Variants in PNLIP observed in about 807,000 individuals in gnomAD.
PNLIP encodes pancreatic triacylglycerol lipase.
PNLIP carries 49 observed loss-of-function variants against 57.1 expected under a neutral mutation model. The ratio of observed to expected loss-of-function variants is 0.86; its 90% CI spans 0.68 to 1.09. PNLIP has a LOEUF of 1.09. Ranked by LOEUF, PNLIP falls within the 50% of genes least tolerant of loss-of-function variation. PNLIP has a pLI of 0.00. For missense variants in PNLIP, 503 were observed against 570.2 expected (o/e 0.88, Z 1.20); for synonymous variants, 209 against 200.4 (o/e 1.04, Z -0.36).
intron 5 of PNLIP, among the ~76,000 whole-genome samples, chr10:116,551,683 A>C (rs1285146656): frequency 2.0e-5 from 3 of 152,214 alleles, no homozygotes; most frequent in Non-Finnish European, 4.4e-5. Context: ...TTTCTAATCC[A>C]AATACTTGCT....
In PNLIP at chr10:116,556,130, C is replaced by T. The variant is rs1293968816; in HGVS notation, c.930+12C>T. 2.8e-6 allele frequency: 4 copies of T among 1,447,772 alleles called. No individual in the cohort carries two copies. Among genetic ancestry groups the T allele is most frequent in the Non-Finnish European group, 3.9e-6 (4 of 1,028,836 alleles). The allele number at this position is 1,447,772 out of a possible 1,614,324, so 89.7% of individuals were successfully genotyped here. ...ACGTCTTCACTGCAGTAAGTAGACT[C>T]CACCTTCCGCATAAAGAATTTTGTG... On this transcript the variant is annotated intron_variant, in intron 9 of 12. Transcript: ENST00000369221.
At chr10:116,546,588 C>T (rs1040814692) in intron 2 of PNLIP, among the ~76,000 whole-genome samples, 9 of 152,104 alleles carry the variant, frequency 5.9e-5, no homozygotes, top group African/African-American at 2.2e-4. Context: ...TCGGATTCCC[C>T]ATCTCCTAGG....
At chr10:116,563,621 T>C (rs1312513406) in intron 12 of PNLIP, among the ~76,000 whole-genome samples, 1 of 152,146 alleles carries the variant, frequency 6.6e-6, no homozygotes, top group Non-Finnish European at 1.5e-5. Flanking sequence ...AGCTCCCACA[T>C]AACAGTGAGA....
chr10:116,551,173 G>A lies in PNLIP; in HGVS notation c.400G>A (p.Ala134Thr). ...KGGSRTGYTQ[A>T]SQNIRIVGAE... ...TGGCTCCCGAACTGGATACACACAA[G>A]CCTCGCAGAACATCAGGATCGTGGG... Residue 134 changes from alanine to threonine, a missense_variant, in exon 5 of 13, where the codon GCC becomes ACC. Ala to Thr is a moderately conservative substitution (Grantham distance 58). Transcript: ENST00000369221. The A allele has an allele frequency of 6.2e-7, 1 of 1,612,774 alleles. No individual in the cohort carries two copies. The highest frequency in any genetic ancestry group is 1.1e-5 in the South Asian group (1 of 90,874).
At chr10:116,545,983 GC>G (rs1344294005) in intron 1 of PNLIP, 25 bp downstream of exon 1, 1 of 907,498 alleles carries the variant, frequency 1.1e-6, no homozygotes, top group Non-Finnish European at 1.8e-6. Context: ...TGTTTTCCAG[GC>G]CTAATTGATC....
rs1433687914 is a variant in PNLIP at position 116,561,473 on chromosome 10, G to T, written c.1171G>T (p.Gly391Cys). The T allele has an allele frequency of 6.2e-7, 1 of 1,609,528 alleles. No individual in the cohort carries two copies. ...TTTGTTAACTTCTTAAATCCTTAGG[G>T]GCACTCTCAAACCAGATAGTACTCA... ...GNSKQYEIFK[G>C]TLKPDSTHSN... The change falls in exon 12 of 13, where the codon GGC becomes TGC. Residue 391 changes from glycine (G) to cysteine (C), a missense_variant and splice_region_variant. Coordinates refer to ENST00000369221, the MANE Select transcript of PNLIP (RefSeq NM_000936.4).
chr10:116,549,501 C>G (rs1257441835), intron 4 of PNLIP, among the ~76,000 whole-genome samples: 1 of 151,694 alleles, frequency 6.6e-6, no homozygotes, highest in Non-Finnish European at 1.5e-5. Flanking sequence ...AAAAAAGACA[C>G]AAAGGTCCTC....
intron 12 of PNLIP, among the ~76,000 whole-genome samples, chr10:116,567,115 TTCTTTC>T (rs1377774269): frequency 1.2e-4 from 4 of 33,170 alleles, no homozygotes; most frequent in South Asian, 2.7e-3. Context: ...CCTCCCTCCT[TTCTTTC>T]TCTTTCTTTC....
chr10:116,563,025 G>C (rs566865036), intron 12 of PNLIP, among the ~76,000 whole-genome samples: 3 of 152,046 alleles, frequency 2.0e-5, no homozygotes, highest in African/African-American at 7.2e-5. Context: ...TAAAGAAGCA[G>C]AAAAATACAG....
chr10:116,561,480 T>A lies in PNLIP; in HGVS notation c.1178T>A (p.Leu393His). 6 of 1,612,134 alleles carry A rather than the reference T, an allele frequency of 3.7e-6. No individual in the cohort carries two copies. Among genetic ancestry groups the A allele is most frequent in the Non-Finnish European group, 4.2e-6 (5 of 1,179,172 alleles). ...ACTTCTTAAATCCTTAGGGGCACTC[T>A]CAAACCAGATAGTACTCATTCCAAT... ...SKQYEIFKGT[L>H]KPDSTHSNEF... The change falls in exon 12 of 13, where the codon CTC (leucine) becomes CAC (histidine). Residue 393 changes from leucine (L) to histidine (H), a missense_variant. Coordinates refer to ENST00000369221, the MANE Select transcript of PNLIP (RefSeq NM_000936.4).
intron 9 of PNLIP, 130 bp from the exon 10 acceptor site, chr10:116,559,024 T>C: frequency 1.8e-6 from 2 of 1,087,546 alleles, no homozygotes; most frequent in South Asian, 3.6e-5. Context: ...GCTGAGACAC[T>C]ATTAAAGTCC....
chr10:116,564,491 A>G (rs2133209509), intron 12 of PNLIP, among the ~76,000 whole-genome samples: 1 of 152,312 alleles, frequency 6.6e-6, no homozygotes, highest in Non-Finnish European at 1.5e-5. Context: ...ATAATTCCTC[A>G]CCAGCAGGTT....
intron 9 of PNLIP, 115 bp downstream of exon 9, chr10:116,556,233 A>T: frequency 1.5e-6 from 1 of 664,174 alleles, no homozygotes; most frequent in Non-Finnish European, 2.7e-6. Flanking sequence ...GAACTTATAC[A>T]TGCCTTTAAT....
intron 12 of PNLIP, among the ~76,000 whole-genome samples, chr10:116,567,002 TCCTTCCTTCCTTCTTC>T (rs1744858657): frequency 6.6e-6 from 1 of 150,698 alleles, no homozygotes; most frequent in African/African-American, 2.4e-5. Flanking sequence ...CTTCCTTTCT[TCCTTCCTTCCTTCTTC>T]CCTTCCTCCC....
chr10:116,567,017 T>G (rs181332379), intron 12 of PNLIP, among the ~76,000 whole-genome samples: 1 of 148,898 alleles, frequency 6.7e-6, no homozygotes, highest in African/African-American at 2.5e-5. Context: ...CCTTCCTTCT[T>G]CCCTTCCTCC....
chr10:116,545,952 T>C lies in PNLIP; in HGVS notation c.-7T>C. 1.5e-6 allele frequency: 1 copy of C among 664,998 alleles called. No homozygotes were observed. The highest frequency in any genetic ancestry group is 2.7e-6 in the Non-Finnish European group (1 of 374,440). The allele number at this position is 664,998 out of a possible 1,614,324, so 41.2% of individuals were successfully genotyped here. ...GGTTGCGTGTGGAACCTGACGGAAC[T>C]GCCACGGTGAGTCGGGAACATGTTT... On this transcript the variant is annotated 5_prime_UTR_variant, in exon 1 of 13. Transcript: ENST00000369221.
intron 4 of PNLIP, among the ~76,000 whole-genome samples, chr10:116,550,596 T>C (rs1186153817): frequency 5.9e-5 from 9 of 152,202 alleles, no homozygotes; most frequent in Admixed American, 5.9e-4. Context: ...AAAAACTTAT[T>C]TACCTTCAAT....
At chr10:116,561,261 C>A (rs1847312482) in intron 11 of PNLIP, among the ~76,000 whole-genome samples, 1 of 152,198 alleles carries the variant, frequency 6.6e-6, no homozygotes, top group Non-Finnish European at 1.5e-5. Flanking sequence ...GGCAAATGGA[C>A]TACCACTGAG....
chr10:116,547,798 T>C (rs981357456), intron 3 of PNLIP, among the ~76,000 whole-genome samples: 1 of 151,050 alleles, frequency 6.6e-6, no homozygotes, highest in Non-Finnish European at 1.5e-5. Context: ...TACTGAATAT[T>C]CAAGTTCTTA....
Sources: gnomAD v4.1 joint callset for allele counts (sites outside exome capture counted in the v4.1 genomes callset) on GRCh38, gnomAD v4.1.1 for gene constraint, MANE v1.5 for transcripts, NCBI Gene and HGNC (gene_info 2026-07-23, HGNC 2026-07-21) for gene names.